FUS: variants seen among roughly 807,000 people sequenced by gnomAD.
FUS encodes FUS RNA binding protein.
Under a neutral mutation model 82.7 loss-of-function variants are expected in FUS, and 5 were observed. That is an observed-to-expected ratio of 0.06 (90% CI 0.03 to 0.13). The LOEUF (loss-of-function observed/expected upper bound fraction) is 0.13. Ranked by LOEUF, FUS falls within the 10% of genes least tolerant of loss-of-function variation. The pLI is 1.00. For synonymous variants in FUS, 281 were observed against 247.4 expected (o/e 1.14, Z -1.27); for missense variants, 512 against 707.8 (o/e 0.72, Z 3.14).
intron 1 of FUS, among the ~76,000 whole-genome samples, chr16:31,180,686 C>T (rs2058044228): frequency 6.6e-6 from 1 of 152,152 alleles, no homozygotes; most frequent in Admixed American, 6.5e-5. Flanking sequence ...AGCTTTCTGT[C>T]GCGAGACCCT....
intron 3 of FUS, 134 bp downstream of exon 3, chr16:31,182,798 C>T (rs1263015837): frequency 9.2e-7 from 1 of 1,084,034 alleles, no homozygotes; most frequent in South Asian, 1.3e-5. Flanking sequence ...CTCACTGCAA[C>T]ATCAGCCTAC....
downstream of FUS, chr16:31,194,503 G>A: frequency 2.0e-6 from 1 of 499,334 alleles, no homozygotes. Flanking sequence ...TTGCCATGTT[G>A]CTCAGGCTGG....
At chr16:31,187,025 A>G in intron 7 of FUS, 189 bp downstream of exon 7, 4 of 652,672 alleles carry the variant, frequency 6.1e-6, no homozygotes, top group Non-Finnish European at 8.3e-6. Context: ...GGTAGGGGTA[A>G]GACTCAATAG....
chr16:31,192,001 ATGG>A (rs766585239), downstream of FUS: 8 of 533,130 alleles, frequency 1.5e-5, no homozygotes, highest in South Asian at 1.2e-4. Flanking sequence ...AGATTTGACC[ATGG>A]TGGAGAGCGC....
chr16:31,189,193 G>A lies in FUS; in HGVS notation c.903G>A (p.Val301=). ...GTGAGAATGTTACAATTGAGTCTGT[G>A]GCTGATTACTTCAAGCAGATTGGTA... ...GLGENVTIES[V]ADYFKQIGII... is the part of the protein sequence containing the mutation. The change falls in exon 9 of 15, where the codon GTG becomes GTA. Residue 301 remains valine, a synonymous_variant. Transcript: ENST00000254108. 1 of 1,613,792 alleles carries A rather than the reference G, an allele frequency of 6.2e-7. No homozygotes were observed. The highest frequency in any genetic ancestry group is 8.5e-7 in the Non-Finnish European group (1 of 1,179,720).
chr16:31,190,590 A>AC, intron 12 of FUS, 152 bp from the exon 13 acceptor site: 1 of 1,168,250 alleles, frequency 8.6e-7, no homozygotes, highest in East Asian at 2.3e-5. Context: ...AGTAATACTG[A>AC]TTTTTGTTCC....
At chr16:31,192,507 A>T (rs1372272777), downstream of FUS, 7 of 514,864 alleles carry the variant, frequency 1.4e-5, no homozygotes, top group Admixed American at 4.5e-5. Flanking sequence ...CATCACAAGC[A>T]TAGCTTACAA....
chr16:31,184,897 C>A (rs2079240076), intron 5 of FUS, 42 bp from the exon 6 acceptor site: 2 of 1,584,280 alleles, frequency 1.3e-6, no homozygotes, highest in African/African-American at 1.4e-5. Flanking sequence ...ACTTTACAAT[C>A]TTTTTGTTTT....
intron 1 of FUS, among the ~76,000 whole-genome samples, chr16:31,181,007 G>A (rs957843620): frequency 4.1e-4 from 62 of 152,150 alleles, no homozygotes; most frequent in African/African-American, 1.4e-3. Context: ...CCACCTCCTG[G>A]GTTCAAGTGA....
At chr16:31,190,181 G>A in intron 11 of FUS, 40 bp downstream of exon 11, 5 of 1,614,010 alleles carry the variant, frequency 3.1e-6, no homozygotes, top group Non-Finnish European at 4.2e-6. Context: ...GGGTAATGGG[G>A]AGAGTGCAGA....
In FUS at chr16:31,186,812, CGTG is replaced by C; in HGVS notation, c.780_782del (p.Gly261del). ...ACTTGTCTTCTCCAGCGGAAGTGAC[CGTG>C]GTGGCTTCAATAAATTTGGTGGTAA... On this transcript the variant is annotated inframe_deletion, in exon 7 of 15. Coordinates refer to ENST00000254108, the MANE Select transcript of FUS (RefSeq NM_004960.4). 1 of 1,614,098 alleles carries C rather than the reference CGTG, an allele frequency of 6.2e-7. No homozygotes were observed. Among genetic ancestry groups the C allele is most frequent in the South Asian group, 1.1e-5 (1 of 91,084 alleles).
downstream of FUS, chr16:31,192,492 G>T (rs776846909): frequency 2.5e-5 from 13 of 516,148 alleles, no homozygotes; most frequent in Non-Finnish European, 4.5e-5. Context: ...TTGTAAGACA[G>T]CTGCCATCAC....
chr16:31,188,935 CAAACTG>C (rs2144129612), intron 8 of FUS, 182 bp from the exon 9 acceptor site: 2 of 621,730 alleles, frequency 3.2e-6, no homozygotes, highest in Non-Finnish European at 5.7e-6. Context: ...GGATAATTGT[CAAACTG>C]AATCTGAAAT....
At position 31,190,266 on chromosome 16, in the gene FUS, C is replaced by T. The variant is rs2079333430; in HGVS notation, c.1169-9C>T. On this transcript the variant is annotated splice_polypyrimidine_tract_variant and intron_variant, in intron 11 of 14. Transcript: ENST00000254108. ...GGGAGCAGACCCATACTTGGTCTAT[C>T]TGCATTAGGACCCATGGGCCGTGGA... 6.2e-7 allele frequency: 1 copy of T among 1,614,096 alleles called. No homozygotes were observed. The highest frequency in any genetic ancestry group is 8.5e-7 in the Non-Finnish European group (1 of 1,180,012).
downstream of FUS, chr16:31,193,332 A>T: frequency 1.9e-6 from 1 of 523,416 alleles, no homozygotes; most frequent in South Asian, 1.5e-5. Context: ...GGGCCTTCCC[A>T]GGCATTGCTT....
At chr16:31,188,408 C>T in intron 8 of FUS, 51 bp downstream of exon 8, 1 of 1,580,388 alleles carries the variant, frequency 6.3e-7, no homozygotes, top group Non-Finnish European at 8.7e-7. Flanking sequence ...GGTATCAAGA[C>T]TGCCTGGATG....
chr16:31,180,466 G>C (rs1215915215), intron 1 of FUS, among the ~76,000 whole-genome samples: 1 of 152,134 alleles, frequency 6.6e-6, no homozygotes, highest in Non-Finnish European at 1.5e-5. Flanking sequence ...CTTGGGGTGG[G>C]CGTTGGGAGG....
intron 3 of FUS, chr16:31,182,869 A>C (rs554840080): frequency 1.2e-4 from 69 of 598,202 alleles, no homozygotes; most frequent in African/African-American, 1.0e-3. Context: ...GGTACCTGCT[A>C]CCACGCCTGG....
chr16:31,190,862 TGCTAGGGA>T lies in FUS; in HGVS notation c.1393+24_1393+31del. ...ACATGGGTAAGAAAGGCAGACCTGG[TGCTAGGGA>T]GCTGGGACCAAAGAATCCTTAATTT... On this transcript the variant is annotated intron_variant, in intron 13 of 14. Coordinates refer to ENST00000254108, the MANE Select transcript of FUS (RefSeq NM_004960.4). 6.2e-7 allele frequency: 1 copy of T among 1,613,598 alleles called. No homozygotes were observed. The highest frequency in any genetic ancestry group is 8.5e-7 in the Non-Finnish European group (1 of 1,179,506).
Sources: allele counts gnomAD v4.1 joint callset (sites outside exome capture counted in the v4.1 genomes callset), GRCh38; gene constraint gnomAD v4.1.1; transcripts MANE v1.5; gene names NCBI Gene and HGNC (gene_info 2026-07-23, HGNC 2026-07-21).